The following ITPR3 variants were observed in gnomAD, a reference collection of about 807,000 sequenced individuals.
ITPR3 encodes the protein inositol 1,4,5-trisphosphate receptor type 3, also known as inositol 1,4,5-trisphosphate-gated calcium channel ITPR3.
In ITPR3, 173 loss-of-function variants were observed where a neutral mutation model predicts 293.2. That is an observed-to-expected ratio of 0.59 (90% confidence interval 0.52 to 0.67). ITPR3 has a LOEUF of 0.67. Ranked by LOEUF, ITPR3 falls within the 30% of genes least tolerant of loss-of-function variation. The pLI, the probability that ITPR3 is intolerant of heterozygous loss-of-function variation, is 0.00. For synonymous variants in ITPR3, 1,295 were observed against 1,444.4 expected (o/e 0.90, Z 2.35); for missense variants, 2,796 against 3,592.1 (o/e 0.78, Z 5.66).
At position 33,621,344 on chromosome 6, in the gene ITPR3, T is replaced by C; in HGVS notation, c.-259T>C. The C allele has an allele frequency of 4.9e-6, 1 of 202,802 alleles. No individual in the cohort carries two copies. The highest frequency in any genetic ancestry group is 9.3e-6 in the Non-Finnish European group (1 of 107,996). The allele number at this position is 202,802 out of a possible 1,614,324, so 12.6% of individuals were successfully genotyped here. ...CCCAGACTTCCTGCTCCTTCTACGC[T>C]GCAGGTACGCGCGGGCCGGGCGGGG... is the stretch of plus-strand genomic sequence containing the variant. On this transcript the variant is annotated 5_prime_UTR_variant, in exon 1 of 58. Transcript: ENST00000605930. The surrounding 1 kb of genome is among the most constrained non-coding windows in gnomAD (Gnocchi z 7.7).
chr6:33,688,443 C>A lies in ITPR3; in HGVS notation c.6568+12C>A. The stretch of plus-strand genomic sequence containing the variant: ...GCGCAAGCTCCGCAGTGAGGACCCA[C>A]GGGCGGGAGGGTGGGGCGGTCTGGA... On this transcript the variant is annotated intron_variant, in intron 48 of 57. Transcript: ENST00000605930. 2 of 130,222 alleles carry A rather than the reference C, an allele frequency of 1.5e-5. No individual in the cohort carries two copies. Among genetic ancestry groups the A allele is most frequent in the Non-Finnish European group, 2.6e-5 (2 of 76,848 alleles). 8.1% of individuals were successfully genotyped at this position (130,222 alleles called of 1,614,324 possible).
At chr6:33,678,567 C>G (rs757075696) in intron 29 of ITPR3, 24 bp downstream of exon 29, 5 of 1,507,942 alleles carry the variant, frequency 3.3e-6, no homozygotes, top group Non-Finnish European at 2.7e-6. Flanking sequence ...GCTGGGAGCA[C>G]CTGGACGAGG....
At position 33,666,289 on chromosome 6, in the gene ITPR3, C is replaced by CA. The variant is rs150045640; in HGVS notation, c.1551+319dup. Among the ~76,000 whole-genome samples, 9,507 of 144,938 alleles carry CA rather than the reference C, an allele frequency of 0.066. 923 individuals are homozygous for CA. The highest frequency in any genetic ancestry group is 0.22 in the African/African-American group (8,559 of 39,638). ...TGATGTTGGGTCCAGAGCTGTGCTTCAAAAAATTTTTTTAAAAATTTTTTT... is the reference window on the plus strand; with the variant it reads ...TGATGTTGGGTCCAGAGCTGTGCTTCAAAAAAATTTTTTTAAAAATTTTTTT... On this transcript the variant is annotated intron_variant, in intron 14 of 57. Coordinates refer to ENST00000605930, the MANE Select transcript of ITPR3 (RefSeq NM_002224.4). The surrounding 1 kb of genome is among the most constrained non-coding windows in gnomAD (Gnocchi z 5.1).
At position 33,676,815 on chromosome 6, in the gene ITPR3, C is replaced by A. The variant is rs1582148992; in HGVS notation, c.3330C>A (p.Ile1110=). 7 of 1,614,182 alleles carry A rather than the reference C, an allele frequency of 4.3e-6. No individual in the cohort carries two copies. The East Asian group carries it at 1.6e-4, about 36-fold the overall frequency. ...SAQDVENYKV[I]KSELDRLRTM... ...AGGACGTGGAGAACTACAAGGTGAT[C>A]AAGTCGGAGCTGGACCGGCTGCGGA... The change falls in exon 26 of 58, where the codon ATC becomes ATA. Residue 1110 remains isoleucine, a synonymous_variant. Transcript: ENST00000605930.
intron 57 of ITPR3, chr6:33,695,361 G>A (rs1368557944): frequency 1.1e-5 from 6 of 561,688 alleles, no homozygotes; most frequent in Non-Finnish European, 1.6e-5. Context: ...CAGCTGCCAG[G>A]TAGGTCCTTT....
chr6:33,686,468 T>C lies in ITPR3; in HGVS notation c.5928T>C (p.Asn1976=). ...GIDIITALIL[N]DISPLCKYRM... is the part of the protein sequence containing the mutation. ...ACATCATCACCGCACTGATCCTCAA[T>C]GACATCAGCCCCCTGTGCAAGTACC... Residue 1976 remains asparagine (N), a synonymous_variant, in exon 43 of 58, where the codon AAT becomes AAC. Transcript: ENST00000605930. The C allele has an allele frequency of 6.2e-7, 1 of 1,614,226 alleles. No homozygotes were observed. The highest frequency in any genetic ancestry group is 1.1e-5 in the South Asian group (1 of 91,086).
intron 7 of ITPR3, 70 bp from the exon 8 acceptor site, chr6:33,662,458 C>A: frequency 6.6e-7 from 1 of 1,505,952 alleles, no homozygotes; most frequent in Non-Finnish European, 8.9e-7. Context: ...GCAGGTGGGG[C>A]TGGGCCCTGG....
chr6:33,656,362 GAAC>G (rs2127258705), intron 3 of ITPR3, among the ~76,000 whole-genome samples: 1 of 152,270 alleles, frequency 6.6e-6, no homozygotes, highest in Admixed American at 6.5e-5. Flanking sequence ...ATAGAGCAGT[GAAC>G]AACCTGTACA....
chr6:33,623,973 C>T (rs1763498632), intron 1 of ITPR3, among the ~76,000 whole-genome samples: 1 of 152,234 alleles, frequency 6.6e-6, no homozygotes, highest in South Asian at 2.1e-4. Flanking sequence ...ATACCTGGAA[C>T]TCCAGGTGCA....
chr6:33,643,963 A>T (rs2151293196), intron 2 of ITPR3, among the ~76,000 whole-genome samples: 1 of 152,378 alleles, frequency 6.6e-6, no homozygotes, highest in East Asian at 1.9e-4. Flanking sequence ...AGGCCGAGGC[A>T]GTCAGGTCAC....
chr6:33,687,217 C>A lies in ITPR3; in HGVS notation c.6076-9C>A. 1 of 1,606,592 alleles carries A rather than the reference C, an allele frequency of 6.2e-7. No individual in the cohort carries two copies. Among genetic ancestry groups the A allele is most frequent in the Non-Finnish European group, 8.5e-7 (1 of 1,173,486 alleles). On this transcript the variant is annotated splice_polypyrimidine_tract_variant and intron_variant, in intron 44 of 57. Transcript: ENST00000605930. The surrounding 1 kb of genome is among the most constrained non-coding windows in gnomAD (Gnocchi z 5.3). Reference sequence around the variant, plus strand: ...GAAGAGAGCATTGGAACAGGCACTGCCCCTCCAGGTGGACGTCATCAAGAA... The same window carrying A: ...GAAGAGAGCATTGGAACAGGCACTGACCCTCCAGGTGGACGTCATCAAGAA...
chr6:33,689,551 C>A, intron 50 of ITPR3, 141 bp downstream of exon 50: 2 of 922,352 alleles, frequency 2.2e-6, no homozygotes, highest in Non-Finnish European at 3.2e-6. Flanking sequence ...TCCTTATAGA[C>A]CGGTGGCAGG....
chr6:33,621,381 C>A lies in ITPR3; in HGVS notation c.-222C>A, dbSNP rs1453349279. ...CGGGCCGGGCGGGGCGGGCGGGCGG[C>A]GGGCGCGCCAAGACGTGGGCACCTC... On this transcript the variant is annotated 5_prime_UTR_variant, in exon 1 of 58. Transcript: ENST00000605930. This position sits in a 1 kb window ranked among gnomAD's most constrained non-coding sequence, Gnocchi z 7.7. 3 of 268,646 alleles carry A rather than the reference C, an allele frequency of 1.1e-5. No individual in the cohort carries two copies. Among genetic ancestry groups the A allele is most frequent in the Non-Finnish European group, 2.1e-5 (3 of 144,318 alleles). 16.6% of individuals were successfully genotyped at this position (268,646 alleles called of 1,614,324 possible).
At position 33,695,888 on chromosome 6, in the gene ITPR3, T is replaced by C; in HGVS notation, c.*108T>C. The C allele has an allele frequency of 3.8e-6, 4 of 1,046,918 alleles. No homozygotes were observed. The highest frequency in any genetic ancestry group is 5.8e-6 in the Non-Finnish European group (4 of 689,010). 64.9% of individuals were successfully genotyped at this position (1,046,918 alleles called of 1,614,324 possible). A position where few individuals can be genotyped will look rare whatever the true frequency, so the allele number is the denominator to read the frequency against. ...GGGTGGCCCAGCCAGCTGGCCAGCC[T>C]CCACTCCCACTCTGCCAGACACCCT... On this transcript the variant is annotated 3_prime_UTR_variant, in exon 58 of 58. Transcript: ENST00000605930.
Position 33,696,106 on chromosome 6 carries a change from G to C in ITPR3, c.*326G>C. ...CAACTCTTTGTAGTCCTCCTTGTGG[G>C]TAGTTAAGAGTGGGGTCACCCCTTT... On this transcript the variant is annotated 3_prime_UTR_variant, in exon 58 of 58. Coordinates refer to ENST00000605930, the MANE Select transcript of ITPR3 (RefSeq NM_002224.4). The C allele has an allele frequency of 3.2e-6, 1 of 311,842 alleles. No individual in the cohort carries two copies. The highest frequency in any genetic ancestry group is 6.0e-6 in the Non-Finnish European group (1 of 166,186). 19.3% of individuals were successfully genotyped at this position (311,842 alleles called of 1,614,324 possible). A position where few individuals can be genotyped will look rare whatever the true frequency, so the allele number is the denominator to read the frequency against.
In ITPR3 at chr6:33,687,136, A is replaced by G; in HGVS notation, c.6075+32A>G. 1 of 1,609,342 alleles carries G rather than the reference A, an allele frequency of 6.2e-7. No individual in the cohort carries two copies. ...CTGGGCAGGTGGGCAGGCGGGCGGA[A>G]CCAGGTGGAGTGTGTTGGGATGGGG... On this transcript the variant is annotated intron_variant, in intron 44 of 57. Coordinates refer to ENST00000605930, the MANE Select transcript of ITPR3 (RefSeq NM_002224.4). This position sits in a 1 kb window ranked among gnomAD's most constrained non-coding sequence, Gnocchi z 5.3.
chr6:33,683,472 C>A lies in ITPR3; in HGVS notation c.4788+75C>A. On this transcript the variant is annotated intron_variant, in intron 35 of 57. Transcript: ENST00000605930. This position sits in a 1 kb window ranked among gnomAD's most constrained non-coding sequence, Gnocchi z 4.5. The stretch of plus-strand genomic sequence containing the variant: ...CAGCAGCTCCCCTACTTTGGAGGGG[C>A]AAGTTCTCGGGGAGTGTTTCTTCCT... The A allele has an allele frequency of 8.1e-7, 1 of 1,237,350 alleles. No homozygotes were observed. The highest frequency in any genetic ancestry group is 1.1e-6 in the Non-Finnish European group (1 of 914,124). The allele number at this position is 1,237,350 out of a possible 1,614,324, so 76.6% of individuals were successfully genotyped here.
intron 7 of ITPR3, among the ~76,000 whole-genome samples, chr6:33,660,619 G>T (rs1159319203): frequency 6.6e-6 from 1 of 151,966 alleles, no homozygotes; most frequent in Non-Finnish European, 1.5e-5. Flanking sequence ...CCCCGAATCT[G>T]TGCAGCACTT....
Position 33,667,577 on chromosome 6 carries a change from C to T in ITPR3, c.1714-215C>T, listed in dbSNP as rs1224938368. Among the ~76,000 whole-genome samples, 1 of 152,186 alleles carries T rather than the reference C, an allele frequency of 6.6e-6. No homozygotes were observed. The highest frequency in any genetic ancestry group is 2.4e-5 in the African/African-American group (1 of 41,446). ...TCCACACAAACAAGGTCCCTGCCCT[C>T]GTGGAGGTTTCGCTCTGGTGGGAAA... On this transcript the variant is annotated intron_variant, in intron 15 of 57. Transcript: ENST00000605930. The surrounding 1 kb of genome is among the most constrained non-coding windows in gnomAD (Gnocchi z 4.4).
Sources: gnomAD v4.1 joint callset for allele counts (sites outside exome capture counted in the v4.1 genomes callset) on GRCh38, gnomAD v4.1.1 for gene constraint, Gnocchi (gnomAD v3.1) non-coding constraint, MANE v1.5 for transcripts, NCBI Gene and HGNC (gene_info 2026-07-23, HGNC 2026-07-21) for gene names.